Variants in CYREN observed in about 807,000 individuals in gnomAD.
CYREN encodes cell cycle regulator of NHEJ, also known as cell cycle regulator of non-homologous end joining.
A neutral mutation model predicts 9.7 loss-of-function variants in CYREN; 7 were observed. That is an observed-to-expected ratio of 0.72 (90% CI 0.41 to 1.36). CYREN has a LOEUF of 1.36. Ranked by LOEUF, CYREN falls within the 40% of genes most tolerant of loss-of-function variation. The pLI is 0.01. For missense variants in CYREN, 215 were observed against 198.1 expected, an observed-to-expected ratio of 1.09 and a Z score of -0.51; for synonymous variants, 76 against 77.9, an observed-to-expected ratio of 0.98 and a Z score of 0.13.
At chr7:135,155,258 T>C (rs1175362524) in intron 2 of CYREN, among the ~76,000 whole-genome samples, 1 of 152,228 alleles carries the variant, frequency 6.6e-6, no homozygotes, top group Non-Finnish European at 1.5e-5. Flanking sequence ...GTAAGCAGCA[T>C]GGATCATGTT....
intron 2 of CYREN, among the ~76,000 whole-genome samples, chr7:135,143,852 A>C (rs1829496084): frequency 6.6e-6 from 1 of 152,170 alleles, no homozygotes; most frequent in Admixed American, 6.5e-5. Context: ...AAATTTACTA[A>C]ATTCCTGTAA....
intron 2 of CYREN, among the ~76,000 whole-genome samples, chr7:135,140,855 A>G (rs948972025): frequency 2.0e-5 from 3 of 152,158 alleles, no homozygotes; most frequent in Admixed American, 2.0e-4. Flanking sequence ...AGTTCTGTTT[A>G]TGTGATGAAT....
intron 2 of CYREN, among the ~76,000 whole-genome samples, chr7:135,159,277 T>G (rs1293420676): frequency 6.6e-6 from 1 of 152,244 alleles, no homozygotes; most frequent in African/African-American, 2.4e-5. Context: ...TGTGTTTAGA[T>G]AGCCATCTTG....
At chr7:135,126,716 A>G (rs2117291853) in intron 2 of CYREN, among the ~76,000 whole-genome samples, 1 of 152,256 alleles carries the variant, frequency 6.6e-6, no homozygotes, top group South Asian at 2.1e-4. Flanking sequence ...ATAATACCAC[A>G]CATCTACAAC....
intron 1 of CYREN, 64 bp from the exon 2 acceptor site, chr7:135,169,124 C>T (rs762307512): frequency 2.2e-5 from 12 of 543,754 alleles, no homozygotes; most frequent in Non-Finnish European, 3.8e-5. Flanking sequence ...AGTTACTGGT[C>T]GGTGCAGGGC....
At chr7:135,160,121 T>C (rs1829891628) in intron 2 of CYREN, among the ~76,000 whole-genome samples, 1 of 152,258 alleles carries the variant, frequency 6.6e-6, no homozygotes, top group Non-Finnish European at 1.5e-5. Context: ...TATATATTTA[T>C]GTAATCCCAA....
chr7:135,112,801 T>A (rs1224683872), intron 2 of CYREN, among the ~76,000 whole-genome samples: 1 of 152,054 alleles, frequency 6.6e-6, no homozygotes, highest in African/African-American at 2.4e-5. Context: ...TGAGATGGAG[T>A]ATTGATTGCT....
chr7:135,167,320 G>A, intron 3 of CYREN: 1 of 1,073,244 alleles, frequency 9.3e-7, no homozygotes. Flanking sequence ...CTGAGGCACT[G>A]CAATTATTAC....
chr7:135,094,307 G>A (rs548649721), exon 3 of CYREN: 8 of 450,254 alleles, frequency 1.8e-5, no homozygotes, highest in African/African-American at 1.2e-4. Flanking sequence ...AACTGAGGCT[G>A]ACAAGTAAAC....
downstream of CYREN, chr7:135,165,602 A>C (rs1830080641): frequency 6.0e-6 from 1 of 167,406 alleles, no homozygotes; most frequent in Non-Finnish European, 1.5e-5. Context: ...TGACTGCTTC[A>C]AAGCTTCCCT....
rs542698402 is a variant in CYREN, at chr7:135,145,821, T to A, written n.356+22928A>T. On this transcript the variant is annotated intron_variant and non_coding_transcript_variant, in intron 2 of 2. Transcript: ENST00000459937. Reference sequence around the variant, plus strand: ...AAAGCAAGTATTACAGTAAAGCAAATCACACGAATTTCTGGTTTCCCAGTG... The same window carrying A: ...AAAGCAAGTATTACAGTAAAGCAAAACACACGAATTTCTGGTTTCCCAGTG... Among the ~76,000 whole-genome samples the A allele has an allele frequency of 2.0e-5, 3 of 152,222 alleles. No homozygotes were observed. In the South Asian group the frequency reaches 6.2e-4, roughly 32 times the overall value.
intron 2 of CYREN, among the ~76,000 whole-genome samples, chr7:135,102,889 C>CA (rs1205796343): frequency 1.3e-5 from 2 of 152,048 alleles, no homozygotes; most frequent in Non-Finnish European, 2.9e-5. Context: ...AAATAGTACT[C>CA]ATAAACACCA....
At chr7:135,128,014 C>A (rs982500436) in intron 2 of CYREN, among the ~76,000 whole-genome samples, 1 of 151,970 alleles carries the variant, frequency 6.6e-6, no homozygotes, top group Non-Finnish European at 1.5e-5. Context: ...ATGGGATCTG[C>A]CAGGCACGGT....
At chr7:135,136,057 A>C (rs1177706794) in intron 2 of CYREN, among the ~76,000 whole-genome samples, 1 of 152,060 alleles carries the variant, frequency 6.6e-6, no homozygotes, top group Admixed American at 6.6e-5. Context: ...ACTGGGAGGG[A>C]TTTGTGAAGG....
chr7:135,134,219 C>A (rs957667049), intron 2 of CYREN, among the ~76,000 whole-genome samples: 2 of 151,942 alleles, frequency 1.3e-5, no homozygotes, highest in African/African-American at 4.8e-5. Flanking sequence ...GTGAAGAGTT[C>A]ATGGGATCTC....
At position 135,167,763 on chromosome 7, in the gene CYREN, A is replaced by G; in HGVS notation, c.182T>C (p.Ile61Thr). The G allele has an allele frequency of 1.2e-6, 2 of 1,614,190 alleles. No homozygotes were observed. The highest frequency in any genetic ancestry group is 1.1e-5 in the South Asian group (1 of 91,084). The change falls in exon 3 of 4, where the codon ATA becomes ACA. Residue 61 changes from isoleucine to threonine, a missense_variant. Transcript: ENST00000393114. ...CAGGATTCCCAGAGCAACATCAACT[A>G]TCTCAGCCTCATTCATGCAGTACAC... ...RTVYCMNEAE[I>T]VDVALGILIE...
At chr7:135,122,896 C>T (rs918472450) in intron 2 of CYREN, among the ~76,000 whole-genome samples, 4 of 152,096 alleles carry the variant, frequency 2.6e-5, no homozygotes, top group South Asian at 2.1e-4. Context: ...CAAGGATCAG[C>T]GCCTCAAAGA....
chr7:135,128,832 C>A, intron 2 of CYREN: 2 of 1,162,988 alleles, frequency 1.7e-6, no homozygotes, highest in Non-Finnish European at 2.6e-6. Context: ...CAGCTGTGTG[C>A]AGGATGTGGA....
chr7:135,128,512 T>C, intron 2 of CYREN: 1 of 760,060 alleles, frequency 1.3e-6, no homozygotes, highest in Non-Finnish European at 2.5e-6. Context: ...TGGAGATGAA[T>C]TTAGAAAAGC....
Sources: allele counts gnomAD v4.1 joint callset (sites outside exome capture counted in the v4.1 genomes callset), GRCh38; gene constraint gnomAD v4.1.1; transcripts MANE v1.5; gene names NCBI Gene and HGNC (gene_info 2026-07-23, HGNC 2026-07-21).